PITPNC1: variants seen among roughly 807,000 people sequenced by gnomAD.
The protein encoded by PITPNC1 is phosphatidylinositol transfer protein cytoplasmic 1.
A neutral mutation model predicts 44.7 loss-of-function variants in PITPNC1; 18 were observed. That is an observed-to-expected ratio of 0.40 (90% CI 0.28 to 0.60). The LOEUF (loss-of-function observed/expected upper bound fraction) is 0.60, where lower values mean the gene tolerates loss of function less well. Ranked by LOEUF, PITPNC1 falls within the 20% of genes least tolerant of loss-of-function variation. The pLI is 0.39. For missense variants in PITPNC1, 290 were observed against 418.4 expected, an observed-to-expected ratio of 0.69 and a Z score of 2.68; for synonymous variants, 141 against 149.6, an observed-to-expected ratio of 0.94 and a Z score of 0.42.
intron 5 of PITPNC1, among the ~76,000 whole-genome samples, chr17:67,585,770 A>G (rs997110927): frequency 6.6e-6 from 1 of 152,166 alleles, no homozygotes; most frequent in Non-Finnish European, 1.5e-5. Flanking sequence ...GTGCCACTGC[A>G]CTCCAGCCTG....
intron 8 of PITPNC1, among the ~76,000 whole-genome samples, chr17:67,685,975 C>T (rs903394950): frequency 4.0e-5 from 6 of 151,804 alleles, no homozygotes; most frequent in Non-Finnish European, 5.9e-5. Context: ...GGATTACAGG[C>T]GCCCTCCACC....
At chr17:67,570,773 AT>A (rs1296517977) in intron 4 of PITPNC1, among the ~76,000 whole-genome samples, 2 of 140,844 alleles carry the variant, frequency 1.4e-5, no homozygotes, top group Non-Finnish European at 3.1e-5. Flanking sequence ...TACTCCAAAA[AT>A]CTGTATTTTT....
At chr17:67,386,171 G>A (rs930646464) in intron 1 of PITPNC1, among the ~76,000 whole-genome samples, 1 of 152,164 alleles carries the variant, frequency 6.6e-6, no homozygotes, top group Non-Finnish European at 1.5e-5. Context: ...ATTATTTATT[G>A]TAGGCATTAA....
intron 1 of PITPNC1, among the ~76,000 whole-genome samples, chr17:67,454,590 G>A (rs995651192): frequency 6.6e-6 from 1 of 152,038 alleles, no homozygotes; most frequent in Non-Finnish European, 1.5e-5. Context: ...CTGCATTGGA[G>A]TATGAACTTG....
intron 6 of PITPNC1, among the ~76,000 whole-genome samples, chr17:67,642,996 A>G (rs1416526894): frequency 6.6e-6 from 1 of 152,234 alleles, no homozygotes; most frequent in Admixed American, 6.5e-5. Flanking sequence ...TAGGTCAAAC[A>G]AAATCAAGGC....
intron 5 of PITPNC1, among the ~76,000 whole-genome samples, chr17:67,625,338 C>T (rs939161014): frequency 6.6e-6 from 1 of 152,104 alleles, no homozygotes; most frequent in Non-Finnish European, 1.5e-5. Flanking sequence ...CAGGTGCCCC[C>T]CTGTAAAGCT....
chr17:67,448,483 G>C (rs554719294), intron 1 of PITPNC1, among the ~76,000 whole-genome samples: 31 of 152,252 alleles, frequency 2.0e-4, no homozygotes, highest in Admixed American at 7.2e-4. Context: ...CTGCAGCCTA[G>C]AAAACCGCTT....
chr17:67,553,669 A>G, intron 4 of PITPNC1, 52 bp downstream of exon 4: 1 of 710,142 alleles, frequency 1.4e-6, no homozygotes, highest in Admixed American at 3.2e-5. Flanking sequence ...CAGTGGAGTA[A>G]TTGGAATGTC....
intron 1 of PITPNC1, among the ~76,000 whole-genome samples, chr17:67,497,812 GC>G (rs2039975398): frequency 6.6e-6 from 1 of 150,868 alleles, no homozygotes; most frequent in East Asian, 2.0e-4. Flanking sequence ...ACAAGCGTGA[GC>G]CACCATGCCC....
intron 1 of PITPNC1, among the ~76,000 whole-genome samples, chr17:67,462,782 A>C (rs945200288): frequency 1.0e-4 from 15 of 146,246 alleles, no homozygotes; most frequent in Non-Finnish European, 2.1e-4. Flanking sequence ...GGCTCACCGC[A>C]ACCTCCGCCT....
At chr17:67,460,208 G>A (rs887428127) in intron 1 of PITPNC1, among the ~76,000 whole-genome samples, 1 of 152,128 alleles carries the variant, frequency 6.6e-6, no homozygotes, top group African/African-American at 2.4e-5. Flanking sequence ...CATGCCTTCC[G>A]TGTCAGCCCC....
intron 1 of PITPNC1, among the ~76,000 whole-genome samples, chr17:67,446,327 T>G (rs762750214): frequency 5.9e-5 from 9 of 151,814 alleles, no homozygotes; most frequent in Non-Finnish European, 1.0e-4. Context: ...TTGACCTGCC[T>G]CTTCAGGACT....
intron 5 of PITPNC1, 101 bp from the exon 6 acceptor site, chr17:67,632,042 G>C: frequency 1.4e-6 from 1 of 703,008 alleles, no homozygotes; most frequent in Non-Finnish European, 2.6e-6. Context: ...GGGGCCCTGA[G>C]ACGTGTGAAG....
chr17:67,425,187 G>GCA (rs1491315011), intron 1 of PITPNC1, among the ~76,000 whole-genome samples: 13 of 36,438 alleles, frequency 3.6e-4, no homozygotes, highest in African/African-American at 8.4e-4. Context: ...GCCATGTTGT[G>GCA]CGCGCGCACG....
intron 1 of PITPNC1, among the ~76,000 whole-genome samples, chr17:67,436,575 G>A (rs753442545): frequency 5.1e-4 from 78 of 152,246 alleles, no homozygotes; most frequent in Non-Finnish European, 7.2e-4. Context: ...TCGGGGCCTG[G>A]CTGGGAGTTT....
At chr17:67,577,220 G>A (rs529614580) in intron 4 of PITPNC1, among the ~76,000 whole-genome samples, 2 of 152,232 alleles carry the variant, frequency 1.3e-5, no homozygotes, top group African/African-American at 4.8e-5. Flanking sequence ...TGAGCCCATA[G>A]GTCAAGGTTA....
intron 1 of PITPNC1, among the ~76,000 whole-genome samples, chr17:67,383,742 CT>C (rs2037999142): frequency 6.6e-6 from 1 of 152,164 alleles, no homozygotes; most frequent in Non-Finnish European, 1.5e-5. Flanking sequence ...GCTTTCTTTA[CT>C]GTTTAACCGT....
At chr17:67,677,886 A>T (rs1447203196) in intron 8 of PITPNC1, among the ~76,000 whole-genome samples, 1 of 151,658 alleles carries the variant, frequency 6.6e-6, no homozygotes, top group African/African-American at 2.4e-5. Flanking sequence ...ACTTCTAATA[A>T]AAGACTTAGG....
At position 67,692,276 on chromosome 17, in the gene PITPNC1, G is replaced by A. The variant is rs112127660; in HGVS notation, c.683-296G>A. On this transcript the variant is annotated intron_variant, in intron 8 of 8. Transcript: ENST00000581322. The stretch of plus-strand genomic sequence containing the variant: ...ACACACACAGGCACATATTTCCCCC[G>A]TCTAGTTCTGTATTCTACTGTTAAG... Among the ~76,000 whole-genome samples the A allele has an allele frequency of 3.1e-3, 464 of 152,058 alleles. 3 individuals carry two copies. The highest frequency in any genetic ancestry group is 9.9e-3 in the African/African-American group (412 of 41,498).
Sources: gnomAD v4.1 joint callset for allele counts (sites outside exome capture counted in the v4.1 genomes callset) on GRCh38, gnomAD v4.1.1 for gene constraint, MANE v1.5 for transcripts, NCBI Gene and HGNC (gene_info 2026-07-23, HGNC 2026-07-21) for gene names.